Variants in ITGB4 observed in about 807,000 individuals in gnomAD.
The protein encoded by ITGB4 is integrin subunit beta 4.
In ITGB4, 159 loss-of-function variants were observed where a neutral mutation model predicts 207.6. The observed-to-expected ratio is 0.77, with a 90% CI of 0.67 to 0.87. The LOEUF is 0.87. Ranked by LOEUF, ITGB4 falls within the 40% of genes least tolerant of loss-of-function variation. ITGB4 has a pLI of 0.00. For missense variants in ITGB4, 2,278 were observed against 2,546.8 expected, an observed-to-expected ratio of 0.89 and a Z score of 2.27; for synonymous variants, 1,020 against 1,062.7, an observed-to-expected ratio of 0.96 and a Z score of 0.78.
chr17:75,748,694 C>A, intron 26 of ITGB4, 147 bp from the exon 27 acceptor site: 1 of 613,812 alleles, frequency 1.6e-6, no homozygotes, highest in South Asian at 2.1e-5. Flanking sequence ...ACAAAAAAAA[C>A]ACAAAAACCT....
Position 75,740,949 on chromosome 17 carries a change from A to G in ITGB4, c.2610-33A>G. 1.9e-6 allele frequency: 3 copies of G among 1,614,014 alleles called. No individual in the cohort carries two copies. The highest frequency in any genetic ancestry group is 2.5e-6 in the Non-Finnish European group (3 of 1,180,018). ...CCGATCAGGCCTCCACTTCAGGGCT[A>G]TCTAGCTCACAGCGCCCTCTTTGTC... On this transcript the variant is annotated intron_variant, in intron 22 of 39. Coordinates refer to ENST00000200181, the MANE Select transcript of ITGB4 (RefSeq NM_000213.5). This position sits in a 1 kb window ranked among gnomAD's most constrained non-coding sequence, Gnocchi z 5.9.
intron 32 of ITGB4, 79 bp from the exon 33 acceptor site, chr17:75,753,686 C>G: frequency 1.0e-6 from 1 of 991,264 alleles, no homozygotes; most frequent in Non-Finnish European, 1.3e-6. Context: ...CCTCGCAGAG[C>G]CTACGGCCTT....
intron 14 of ITGB4, 58 bp downstream of exon 14, chr17:75,736,212 GA>G: frequency 6.2e-7 from 1 of 1,604,866 alleles, no homozygotes; most frequent in Non-Finnish European, 8.5e-7. Context: ...TCTCCAGAGA[GA>G]ACCCTATGGA....
rs140690205 is a variant in ITGB4, at chr17:75,736,573, G to A, written c.1869G>A (p.Pro623=). ...CGCCTTTCCCCGCCAAGATCCACCC[G>A]GGCCTCTGCGAGGACCTACGCTCCT... ...ICEINYSAIH[P]GLCEDLRSCV... Residue 623 remains proline (P), a synonymous_variant, in exon 16 of 40, where the codon CCG becomes CCA. Coordinates refer to ENST00000200181, the MANE Select transcript of ITGB4 (RefSeq NM_000213.5). The A allele has an allele frequency of 8.8e-6, 14 of 1,599,836 alleles. No homozygotes were observed. Among genetic ancestry groups the A allele is most frequent in the African/African-American group, 2.7e-5 (2 of 74,962 alleles).
intron 26 of ITGB4, 113 bp downstream of exon 26, chr17:75,743,974 C>G: frequency 8.0e-7 from 1 of 1,247,316 alleles, no homozygotes; most frequent in East Asian, 2.6e-5. Context: ...GGATACTGGC[C>G]GTGCCCCTGG....
At position 75,753,832 on chromosome 17, in the gene ITGB4, GC is replaced by G; in HGVS notation, c.4181del (p.Pro1394ArgfsTer50). The G allele has an allele frequency of 3.5e-6, 5 of 1,444,474 alleles. No homozygotes were observed. The highest frequency in any genetic ancestry group is 2.9e-5 in the South Asian group (2 of 67,980). 89.5% of individuals were successfully genotyped at this position (1,444,474 alleles called of 1,614,324 possible). On this transcript the variant is annotated frameshift_variant, in exon 33 of 40. Transcript: ENST00000200181. LOFTEE classifies it high-confidence loss of function. ...LDLRRVTWRL[P>X]PELIPRLSAS... ...ACCTGCGGCGCGTCACGTGGCGGCT[GC>G]CCCCGGAGCTCATCCCGCGCCTGTC...
chr17:75,732,334 A>G lies in ITGB4; in HGVS notation c.1454+95A>G. The G allele has an allele frequency of 1.2e-5, 15 of 1,208,104 alleles. No individual in the cohort carries two copies. Among genetic ancestry groups the G allele is most frequent in the Non-Finnish European group, 1.6e-5 (13 of 818,996 alleles). 74.8% of individuals were successfully genotyped at this position (1,208,104 alleles called of 1,614,324 possible). A position where few individuals can be genotyped will look rare whatever the true frequency, so the allele number is the denominator to read the frequency against. On this transcript the variant is annotated intron_variant, in intron 12 of 39. Transcript: ENST00000200181. The surrounding 1 kb of genome is among the most constrained non-coding windows in gnomAD (Gnocchi z 5.3). ...GGGCCTGGCCCTGGGTGCACCTTGT[A>G]CACCTGGCTGGGGGTGGGGCGGCAA...
In ITGB4 at chr17:75,743,804, C is replaced by T. The variant is rs775673910; in HGVS notation, c.3054C>T (p.Asp1018=). Residue 1018 remains aspartate, a synonymous_variant, in exon 26 of 40, where the codon GAC becomes GAT. Coordinates refer to ENST00000200181, the MANE Select transcript of ITGB4 (RefSeq NM_000213.5). ...TCCCTGTCATCCGGCGTGTCCTGGA[C>T]GGCGGGAAGTCCCAGGTCTCCTACC... The part of the protein sequence containing the change: ...ARIPVIRRVL[D]GGKSQVSYRT... The T allele has an allele frequency of 3.0e-5, 49 of 1,612,050 alleles. No individual in the cohort carries two copies. In the Middle Eastern group the frequency reaches 9.9e-4, roughly 32 times the overall value.
Position 75,756,554 on chromosome 17 carries a change from C to T in ITGB4, c.4834C>T (p.Arg1612Cys), listed in dbSNP as rs538467153. ...AQSQEGWGRE[R>C]EGVITIESQV... Reference sequence around the variant, plus strand: ...GAGCCAGGAAGGCTGGGGCCGAGAGCGTGAGGGTGTCATCACCATTGAATC... The same window carrying T: ...GAGCCAGGAAGGCTGGGGCCGAGAGTGTGAGGGTGTCATCACCATTGAATC... Residue 1612 changes from arginine to cysteine, a missense_variant, in exon 36 of 40, where the codon CGT becomes TGT. Physicochemically the swap from Arg to Cys is radical, Grantham distance 180. Coordinates refer to ENST00000200181, the MANE Select transcript of ITGB4 (RefSeq NM_000213.5). 4.2e-5 allele frequency: 68 copies of T among 1,613,190 alleles called. No homozygotes were observed. The highest frequency in any genetic ancestry group is 5.5e-5 in the South Asian group (5 of 91,088).
intron 35 of ITGB4, 95 bp downstream of exon 35, chr17:75,755,945 C>A: frequency 1.4e-6 from 2 of 1,451,458 alleles, no homozygotes; most frequent in Admixed American, 3.9e-5. Flanking sequence ...CAGGAACCCA[C>A]CCAAGTCCCT....
chr17:75,754,414 G>T, intron 33 of ITGB4, 162 bp from the exon 34 acceptor site: 1 of 833,230 alleles, frequency 1.2e-6, no homozygotes, highest in Admixed American at 2.3e-5. Context: ...GGCTCCTGCA[G>T]GGACAGAGGG....
rs143833423 is a variant in ITGB4, at chr17:75,731,390, G to A, written c.1215+22G>A. The A allele has an allele frequency of 8.1e-4, 1,290 of 1,601,862 alleles. 13 individuals are homozygous for A. The African/African-American group carries it at 0.015, about 18-fold the overall frequency. ...AGTGGTACGCCTCTGTGGGGGCAGC[G>A]GGGTGGGGGATAGGCACAGCGCCCC... On this transcript the variant is annotated intron_variant, in intron 10 of 39. Coordinates refer to ENST00000200181, the MANE Select transcript of ITGB4 (RefSeq NM_000213.5). This position sits in a 1 kb window ranked among gnomAD's most constrained non-coding sequence, Gnocchi z 6.8.
intron 30 of ITGB4, chr17:75,751,765 T>G: frequency 3.6e-6 from 1 of 281,250 alleles, no homozygotes; most frequent in South Asian, 3.6e-5. Flanking sequence ...AAAAGGATTA[T>G]TTTATACATT....
chr17:75,732,257 T>C lies in ITGB4; in HGVS notation c.1454+18T>C, dbSNP rs745686159. On this transcript the variant is annotated intron_variant, in intron 12 of 39. Coordinates refer to ENST00000200181, the MANE Select transcript of ITGB4 (RefSeq NM_000213.5). The surrounding 1 kb of genome is among the most constrained non-coding windows in gnomAD (Gnocchi z 5.3). ...GAGGGCTGGTGAGTGGGGAAGGGAG[T>C]TGGGCACCCAGGACACCAGTGGCCC... 6.2e-7 allele frequency: 1 copy of C among 1,612,598 alleles called. No individual in the cohort carries two copies. Among genetic ancestry groups the C allele is most frequent in the Admixed American group, 1.7e-5 (1 of 59,972 alleles).
At chr17:75,755,016 A>C (rs1350200479) in intron 34 of ITGB4, 1 of 1,581,692 alleles carries the variant, frequency 6.3e-7, no homozygotes, top group Non-Finnish European at 8.6e-7. Context: ...ATGCATGCAC[A>C]CTCCCTGCTC....
Position 75,739,105 on chromosome 17 carries a change from G to A in ITGB4, c.2221-567G>A, listed in dbSNP as rs913706524. Among the ~76,000 whole-genome samples the A allele has an allele frequency of 1.3e-5, 2 of 152,084 alleles. No individual in the cohort carries two copies. The highest frequency in any genetic ancestry group is 2.1e-4 in the South Asian group (1 of 4,822). On this transcript the variant is annotated intron_variant, in intron 18 of 39. Coordinates refer to ENST00000200181, the MANE Select transcript of ITGB4 (RefSeq NM_000213.5). This position sits in a 1 kb window ranked among gnomAD's most constrained non-coding sequence, Gnocchi z 5.4. ...GAGGTCAGGAGTTGGAGACAAGCCC[G>A]GCCAATATGGTGACACCCCATCTCT...
At chr17:75,741,779 C>G (rs1415127021) in intron 23 of ITGB4, among the ~76,000 whole-genome samples, 1 of 151,438 alleles carries the variant, frequency 6.6e-6, no homozygotes, top group Non-Finnish European at 1.5e-5. Flanking sequence ...GCACTCCAGC[C>G]TGGGCGACTG....
At chr17:75,736,257 G>A in intron 14 of ITGB4, 31 bp from the exon 15 acceptor site, 2 of 1,602,960 alleles carry the variant, frequency 1.2e-6, no homozygotes, top group Non-Finnish European at 1.7e-6. Context: ...ATGGGGCACA[G>A]CTGGCTCACT....
chr17:75,748,724 C>T (rs2061291523), intron 26 of ITGB4, 117 bp from the exon 27 acceptor site: 4 of 733,970 alleles, frequency 5.4e-6, no homozygotes, highest in Non-Finnish European at 9.0e-6. Context: ...GTAAGTACTC[C>T]ACCCAGCAAG....
Sources: gnomAD v4.1 joint callset for allele counts (sites outside exome capture counted in the v4.1 genomes callset) on GRCh38, gnomAD v4.1.1 for gene constraint, Gnocchi (gnomAD v3.1) non-coding constraint, MANE v1.5 for transcripts, NCBI Gene and HGNC (gene_info 2026-07-23, HGNC 2026-07-21) for gene names.